SLC6A2: variants seen among roughly 807,000 people sequenced by gnomAD.
SLC6A2 encodes solute carrier family 6 member 2.
A neutral mutation model predicts 71.7 loss-of-function variants in SLC6A2; 26 were observed. That is an observed-to-expected ratio of 0.36 (90% CI 0.27 to 0.50). The LOEUF (loss-of-function observed/expected upper bound fraction) is 0.50, where lower values mean the gene tolerates loss of function less well. Ranked by LOEUF, SLC6A2 falls within the 20% of genes least tolerant of loss-of-function variation. The pLI is 0.96. For missense variants in SLC6A2, 581 were observed against 803.9 expected (o/e 0.72, Z 3.35); for synonymous variants, 363 against 337.9 (o/e 1.07, Z -0.82).
intron 7 of SLC6A2, among the ~76,000 whole-genome samples, 160 bp from the exon 8 acceptor site, chr16:55,695,118 G>GT (rs1965754382): frequency 6.6e-6 from 1 of 152,204 alleles, no homozygotes; most frequent in African/African-American, 2.4e-5. Flanking sequence ...TCCTGCACCA[G>GT]TGATGGTGAG....
Position 55,656,532 on chromosome 16 carries a change from G to C in SLC6A2, c.-51-112G>C, listed in dbSNP as rs370958348. On this transcript the variant is annotated intron_variant, in intron 1 of 14. Transcript: ENST00000568943. This position sits in a 1 kb window ranked among gnomAD's most constrained non-coding sequence, Gnocchi z 4.5. Reference sequence around the variant, plus strand: ...GCGCGCCCTTTTCTGGGAACCCTGCGTCCGCTCAGCGCGCGCTCATCCCAG... The same window carrying C: ...GCGCGCCCTTTTCTGGGAACCCTGCCTCCGCTCAGCGCGCGCTCATCCCAG... 104 of 856,160 alleles carry C rather than the reference G, an allele frequency of 1.2e-4. No homozygotes were observed. In the African/African-American group the frequency reaches 1.6e-3, roughly 13 times the overall value. The allele number at this position is 856,160 out of a possible 1,614,324, so 53.0% of individuals were successfully genotyped here.
intron 10 of SLC6A2, 112 bp downstream of exon 10, chr16:55,698,137 G>T: frequency 8.3e-7 from 1 of 1,202,470 alleles, no homozygotes; most frequent in Non-Finnish European, 1.2e-6. Flanking sequence ...AACAATGCAG[G>T]ATCCAGCATC....
chr16:55,687,711 A>G (rs1419998581), intron 5 of SLC6A2, among the ~76,000 whole-genome samples: 1 of 152,184 alleles, frequency 6.6e-6, no homozygotes, highest in East Asian at 1.9e-4. Context: ...GCATAGGACC[A>G]CCACAAACTT....
At chr16:55,692,784 C>A (rs1965675923) in intron 6 of SLC6A2, among the ~76,000 whole-genome samples, 1 of 152,186 alleles carries the variant, frequency 6.6e-6, no homozygotes, top group South Asian at 2.1e-4. Context: ...GCCCCAGCAG[C>A]ACAGGATGAA....
intron 4 of SLC6A2, among the ~76,000 whole-genome samples, chr16:55,675,017 A>AT (rs1222623932): frequency 6.6e-6 from 1 of 152,056 alleles, no homozygotes; most frequent in Non-Finnish European, 1.5e-5. Flanking sequence ...AGCATCTGTT[A>AT]TTTTTTTGAT....
At position 55,672,141 on chromosome 16, in the gene SLC6A2, A is replaced by G; in HGVS notation, c.610A>G (p.Lys204Glu). The G allele has an allele frequency of 1.9e-6, 3 of 1,614,186 alleles. No homozygotes were observed. Among genetic ancestry groups the G allele is most frequent in the Non-Finnish European group, 1.7e-6 (2 of 1,180,026 alleles). Residue 204 changes from lysine to glutamate, a missense_variant, in exon 4 of 15, where the codon AAG becomes GAG. Transcript: ENST00000568943. ...SVLGNHTKYS[K>E]YKFTPAAEFY... ...GCTTGGCAACCACACCAAGTACTCCAAGTACAAGTTCACGCCGGCAGCCGA... is the reference window on the plus strand; with the variant it reads ...GCTTGGCAACCACACCAAGTACTCCGAGTACAAGTTCACGCCGGCAGCCGA...
In SLC6A2 at chr16:55,698,070, C is replaced by T. The variant is rs759526006; in HGVS notation, c.1389+45C>T. ...TGGGTCACCTGGGGGCCTCTGAGGC[C>T]GCATTTCAATAAAGTCAAACATTCC... On this transcript the variant is annotated intron_variant, in intron 10 of 14. Transcript: ENST00000568943. The T allele has an allele frequency of 1.9e-5, 30 of 1,603,110 alleles. 1 individual carries two copies. In the East Asian group the frequency reaches 2.2e-4, roughly 12 times the overall value.
At position 55,656,480 on chromosome 16, in the gene SLC6A2, C is replaced by A; in HGVS notation, c.-51-164C>A. 4 of 621,822 alleles carry A rather than the reference C, an allele frequency of 6.4e-6. No individual in the cohort carries two copies. Among genetic ancestry groups the A allele is most frequent in the Non-Finnish European group, 1.1e-5 (4 of 351,578 alleles). 38.5% of individuals were successfully genotyped at this position (621,822 alleles called of 1,614,324 possible). ...CTCTTGAGTTCCGGCGTGCCCCAAC[C>A]TCTGTTTCCAAATTTTTCCAGCGGA... On this transcript the variant is annotated intron_variant, in intron 1 of 14. Transcript: ENST00000568943. The surrounding 1 kb of genome is among the most constrained non-coding windows in gnomAD (Gnocchi z 4.5).
intron 3 of SLC6A2, among the ~76,000 whole-genome samples, chr16:55,671,474 G>T (rs1390149301): frequency 6.6e-6 from 1 of 152,160 alleles, no homozygotes; most frequent in African/African-American, 2.4e-5. Context: ...CCCGGGCCAC[G>T]GACCAATAAC....
chr16:55,661,400 AGAG>A (rs1284442745), intron 2 of SLC6A2, among the ~76,000 whole-genome samples: 2 of 152,218 alleles, frequency 1.3e-5, no homozygotes, highest in African/African-American at 4.8e-5. Context: ...CTTACACAGA[AGAG>A]GAGAATAACC....
At chr16:55,699,528 A>G (rs1463070944) in intron 11 of SLC6A2, 26 bp from the exon 12 acceptor site, 4 of 1,572,362 alleles carry the variant, frequency 2.5e-6, no homozygotes, top group Non-Finnish European at 3.5e-6. Context: ...GGGCCATGGT[A>G]ACAGGCCTGC....
chr16:55,679,922 G>C (rs1427098378), intron 4 of SLC6A2, among the ~76,000 whole-genome samples: 1 of 152,132 alleles, frequency 6.6e-6, no homozygotes, highest in East Asian at 1.9e-4. Context: ...CTTTGTTGGG[G>C]GACAGGGGTG....
In SLC6A2 at chr16:55,656,810, G is replaced by A. The variant is rs746225269; in HGVS notation, c.116G>A (p.Arg39His). 6.2e-7 allele frequency: 1 copy of A among 1,613,240 alleles called. No individual in the cohort carries two copies. The highest frequency in any genetic ancestry group is 1.1e-5 in the South Asian group (1 of 91,042). The change falls in exon 2 of 15, where the codon CGC becomes CAC. Residue 39 changes from arginine (R) to histidine (H), a missense_variant. By Grantham distance (29) the Arg-to-His change is conservative. This residue lies in a region of SLC6A2 where 76 missense variants were observed against 79.9 expected (regional missense o/e 0.95). Coordinates refer to ENST00000568943, the MANE Select transcript of SLC6A2 (RefSeq NM_001172501.3). The surrounding 1 kb of genome is among the most constrained non-coding windows in gnomAD (Gnocchi z 4.5). ...KTAELLVVKERNGVQCLLAPR... is the reference protein window; with the variant it reads ...KTAELLVVKEHNGVQCLLAPR... The stretch of plus-strand genomic sequence containing the variant: ...GCGGAGCTGCTGGTGGTGAAGGAGC[G>A]CAACGGCGTCCAGTGCCTGCTGGCG...
intron 4 of SLC6A2, among the ~76,000 whole-genome samples, chr16:55,675,479 A>G (rs573001363): frequency 7.4e-4 from 113 of 151,962 alleles, no homozygotes; most frequent in Non-Finnish European, 1.4e-3. Context: ...GGAAAGTAAA[A>G]CCATTCTTAG....
chr16:55,702,165 C>T (rs1965991494), intron 14 of SLC6A2, among the ~76,000 whole-genome samples, 158 bp from the exon 15 acceptor site: 1 of 152,238 alleles, frequency 6.6e-6, no homozygotes. Context: ...TTCTGGGCCT[C>T]TGTGACAATT....
At chr16:55,664,999 T>C (rs28693487) in intron 2 of SLC6A2, among the ~76,000 whole-genome samples, 111,630 of 152,034 alleles carry the variant, frequency 0.73, 41,076 homozygotes, top group African/African-American at 0.77. Context: ...GTTCCCTCTT[T>C]TGTGGTGTGG....
intron 14 of SLC6A2, 44 bp downstream of exon 14, chr16:55,701,978 G>A (rs748675707): frequency 2.7e-6 from 4 of 1,476,554 alleles, no homozygotes; most frequent in East Asian, 4.5e-5. Context: ...ACAAGGGCGG[G>A]CCCTGGCTGT....
At position 55,691,993 on chromosome 16, in the gene SLC6A2, GC is replaced by G; in HGVS notation, c.861del (p.Ser288ProfsTer15). The G allele has an allele frequency of 1.9e-6, 3 of 1,614,184 alleles. No homozygotes were observed. The highest frequency in any genetic ancestry group is 2.5e-6 in the Non-Finnish European group (3 of 1,180,030). On this transcript the variant is annotated frameshift_variant, in exon 6 of 15. Coordinates refer to ENST00000568943, the MANE Select transcript of SLC6A2 (RefSeq NM_001172501.3). LOFTEE classifies it high-confidence loss of function. Reference protein sequence around the residue: ...LLVHGVTLPGASNGINAYLHI... With the variant: ...LLVHGVTLPGXSNGINAYLHI... Reference sequence around the variant, plus strand: ...GGTCCATGGCGTCACGCTGCCCGGAGCCTCCAATGGCATCAATGCCTACCTG... The same window carrying G: ...GGTCCATGGCGTCACGCTGCCCGGAGCTCCAATGGCATCAATGCCTACCTG...
intron 4 of SLC6A2, among the ~76,000 whole-genome samples, chr16:55,681,070 G>A (rs376889649): frequency 1.9e-4 from 29 of 152,194 alleles, no homozygotes; most frequent in South Asian, 8.3e-4. Flanking sequence ...CCTTCACAGC[G>A]GAGTCTCCCC....
Sources: gnomAD v4.1 joint callset for allele counts (sites outside exome capture counted in the v4.1 genomes callset) on GRCh38, gnomAD v4.1.1 for gene constraint, gnomAD v4.1.1 regional missense constraint, Gnocchi (gnomAD v3.1) non-coding constraint, MANE v1.5 for transcripts, NCBI Gene and HGNC (gene_info 2026-07-23, HGNC 2026-07-21) for gene names.